ECPAS: variants seen among roughly 807,000 people sequenced by gnomAD.
ECPAS encodes proteasome adapter and scaffold protein ECM29.
In ECPAS, 70 loss-of-function variants were observed where a neutral mutation model predicts 255.1. That is an observed-to-expected ratio of 0.27 (90% CI 0.23 to 0.33). The LOEUF (loss-of-function observed/expected upper bound fraction) is 0.33. ECPAS is among the 10% of genes least tolerant of loss of function. The pLI is 1.00. For missense variants in ECPAS, 1,817 were observed against 2,206.4 expected (o/e 0.82, Z 3.54); for synonymous variants, 784 against 775.0 (o/e 1.01, Z -0.19).
chr9:111,407,554 T>C lies in ECPAS; in HGVS notation c.2652+1017A>G, dbSNP rs142302880. Among the ~76,000 whole-genome samples, 31 of 152,090 alleles carry C rather than the reference T, an allele frequency of 2.0e-4. No homozygotes were observed. In the East Asian group the frequency reaches 6.0e-3, roughly 29 times the overall value. On this transcript the variant is annotated intron_variant, in intron 24 of 49. Transcript: ENST00000684092. ...TTAATGACATCCCAGGAGACGTAGA[T>C]TGTCTAAAAAAATTCACTTTAAAAA...
At chr9:111,405,290 G>A (rs2098182294) in intron 24 of ECPAS, among the ~76,000 whole-genome samples, 1 of 149,460 alleles carries the variant, frequency 6.7e-6, no homozygotes, top group Non-Finnish European at 1.5e-5. Flanking sequence ...TTTCAACAAA[G>A]GCATCAAGAA....
At chr9:111,394,086 A>AC in intron 26 of ECPAS, 74 bp downstream of exon 26, 1 of 1,380,164 alleles carries the variant, frequency 7.2e-7, no homozygotes, top group South Asian at 1.6e-5. Context: ...AATGACCTTC[A>AC]CCCTCATATG....
chr9:111,483,555 G>C lies in ECPAS; in HGVS notation c.-83+561C>G, dbSNP rs939587775. On this transcript the variant is annotated intron_variant, in intron 1 of 49. Transcript: ENST00000684092. ...GCGGCCGCAGCCATGTTGCGCCGGG[G>C]AGGGAACGAGGGAGGGGCTGGGGGG... 7 of 943,332 alleles carry C rather than the reference G, an allele frequency of 7.4e-6. No individual in the cohort carries two copies. The African/African-American group carries it at 1.3e-4, about 17-fold the overall frequency. The allele number at this position is 943,332 out of a possible 1,614,324, so 58.4% of individuals were successfully genotyped here.
At chr9:111,483,953 G>A (rs1387092627) in intron 1 of ECPAS, 163 bp downstream of exon 1, 14 of 961,268 alleles carry the variant, frequency 1.5e-5, no homozygotes, top group Non-Finnish European at 1.6e-5. Flanking sequence ...GCGCCCGCCC[G>A]CCCTCGCTCG....
At chr9:111,423,942 GATTCATCT>G (rs1302324215) in intron 12 of ECPAS, among the ~76,000 whole-genome samples, 2 of 152,118 alleles carry the variant, frequency 1.3e-5, no homozygotes, top group Non-Finnish European at 1.5e-5. Context: ...TACTCTTATG[GATTCATCT>G]GTTGGGAAGA....
chr9:111,383,498 A>G (rs1193888346), intron 34 of ECPAS, among the ~76,000 whole-genome samples, 166 bp from the exon 35 acceptor site: 3 of 152,236 alleles, frequency 2.0e-5, no homozygotes, highest in Non-Finnish European at 2.9e-5. Flanking sequence ...ATTGAGTCCT[A>G]GGTCTGCCAA....
At chr9:111,408,527 G>T in intron 24 of ECPAS, 44 bp downstream of exon 24, 2 of 1,170,960 alleles carry the variant, frequency 1.7e-6, no homozygotes, top group Non-Finnish European at 2.4e-6. Context: ...AAAGACCAAT[G>T]CCTTTTCTCT....
intron 48 of ECPAS, among the ~76,000 whole-genome samples, chr9:111,365,221 G>C (rs1014926405): frequency 6.6e-6 from 1 of 152,008 alleles, no homozygotes; most frequent in Non-Finnish European, 1.5e-5. Context: ...AGTGAGCCAA[G>C]ATCACGCCAC....
chr9:111,396,422 C>T (rs1470517207), intron 25 of ECPAS, among the ~76,000 whole-genome samples: 1 of 152,182 alleles, frequency 6.6e-6, no homozygotes, highest in Non-Finnish European at 1.5e-5. Context: ...AACAACTATA[C>T]CTTGAATTCT....
intron 6 of ECPAS, among the ~76,000 whole-genome samples, chr9:111,439,924 C>T (rs532720436): frequency 7.9e-5 from 12 of 151,982 alleles, no homozygotes; most frequent in African/African-American, 2.9e-4. Flanking sequence ...AGGCATTATG[C>T]AAATGATATT....
At chr9:111,383,401 A>C in intron 34 of ECPAS, 69 bp from the exon 35 acceptor site, 2 of 1,527,472 alleles carry the variant, frequency 1.3e-6, no homozygotes, top group Non-Finnish European at 1.8e-6. Flanking sequence ...ATCTGACAAA[A>C]GACTTTCTAC....
chr9:111,378,333 A>G (rs532674800), intron 36 of ECPAS, among the ~76,000 whole-genome samples: 183 of 152,294 alleles, frequency 1.2e-3, no homozygotes, highest in African/African-American at 4.1e-3. Context: ...ACAAAATTGA[A>G]ATATACAAAA....
intron 24 of ECPAS, 27 bp downstream of exon 24, chr9:111,408,544 C>G: frequency 7.7e-7 from 1 of 1,306,188 alleles, no homozygotes; most frequent in Non-Finnish European, 1.0e-6. Flanking sequence ...CTCTGAATAA[C>G]TAACAATCAG....
chr9:111,448,953 A>C (rs2098256757), intron 3 of ECPAS, among the ~76,000 whole-genome samples: 1 of 152,214 alleles, frequency 6.6e-6, no homozygotes. Context: ...CTATAAATAA[A>C]GAATAAAGCA....
intron 18 of ECPAS, 71 bp from the exon 19 acceptor site, chr9:111,414,722 G>A: frequency 1.4e-5 from 19 of 1,324,572 alleles, no homozygotes; most frequent in Non-Finnish European, 2.0e-5. Context: ...ACTCTTCAAA[G>A]TAACAATTTC....
intron 6 of ECPAS, among the ~76,000 whole-genome samples, chr9:111,437,363 T>C (rs912837416): frequency 2.6e-5 from 4 of 152,214 alleles, no homozygotes; most frequent in Admixed American, 2.0e-4. Flanking sequence ...TGAATATAAA[T>C]ATTTTCATCA....
chr9:111,467,448 T>G (rs753178858), intron 2 of ECPAS, among the ~76,000 whole-genome samples: 29 of 152,204 alleles, frequency 1.9e-4, no homozygotes, highest in Admixed American at 3.9e-4. Context: ...CATTACTAAC[T>G]TACTTCATGA....
At chr9:111,392,956 A>C in intron 27 of ECPAS, 74 bp from the exon 28 acceptor site, 1 of 945,918 alleles carries the variant, frequency 1.1e-6, no homozygotes, top group Non-Finnish European at 1.6e-6. Flanking sequence ...CAAAATTTTT[A>C]AAGTTATGTT....
chr9:111,393,744 GA>G lies in ECPAS; in HGVS notation c.2923-11del. The G allele has an allele frequency of 8.3e-6, 13 of 1,563,602 alleles. No homozygotes were observed. The highest frequency in any genetic ancestry group is 1.4e-5 in the African/African-American group (1 of 73,538). On this transcript the variant is annotated splice_polypyrimidine_tract_variant and intron_variant, in intron 26 of 49. Transcript: ENST00000684092. Reference sequence around the variant, plus strand: ...TTTCTTTAAGATGAGACTGAAAGAAGAAAAAAGGCATTAGAACACTGAAACT... The same window carrying G: ...TTTCTTTAAGATGAGACTGAAAGAAGAAAAAGGCATTAGAACACTGAAACT...
Sources: allele counts gnomAD v4.1 joint callset (sites outside exome capture counted in the v4.1 genomes callset), GRCh38; gene constraint gnomAD v4.1.1; transcripts MANE v1.5; gene names NCBI Gene and HGNC (gene_info 2026-07-23, HGNC 2026-07-21).